Variants in PIAS2 observed in about 807,000 individuals in gnomAD.
PIAS2 encodes E3 SUMO-protein ligase PIAS2.
Under a neutral mutation model 69.7 loss-of-function variants are expected in PIAS2, and 19 were observed. That is an observed-to-expected ratio of 0.27 (90% CI 0.19 to 0.40). PIAS2 has a LOEUF of 0.40. Among genes scored for constraint, PIAS2 ranks in the 10% least tolerant of loss-of-function variants. PIAS2 has a pLI of 1.00. For missense variants in PIAS2, 624 were observed against 757.0 expected, an observed-to-expected ratio of 0.82 and a Z score of 2.06; for synonymous variants, 261 against 263.2, an observed-to-expected ratio of 0.99 and a Z score of 0.08.
chr18:46,829,752 G>A lies in PIAS2; in HGVS notation c.1318C>T (p.Pro440Ser). ...KKEAMKVSSQPCTKIESSSVL... is the reference protein window; with the variant it reads ...KKEAMKVSSQSCTKIESSSVL... ...CACATACTTTCTATTTTTGTACACGGTTGGCTGGATACTTTCATAGCTTCT... is the reference window on the plus strand; with the variant it reads ...CACATACTTTCTATTTTTGTACACGATTGGCTGGATACTTTCATAGCTTCT... The change falls in exon 10 of 14, where the codon CCG becomes TCG. Residue 440 changes from proline (P) to serine (S), a missense_variant. By Grantham distance (74) the Pro-to-Ser change is moderately conservative. Around this residue, in one of 3 missense-constraint regions of PIAS2, gnomAD observed 241 missense variants for 257.3 expected, o/e 0.94. Transcript: ENST00000585916. 2.5e-6 allele frequency: 4 copies of A among 1,613,246 alleles called. No individual in the cohort carries two copies. The highest frequency in any genetic ancestry group is 1.3e-5 in the African/African-American group (1 of 74,942).
chr18:46,835,115 G>A (rs781617913), intron 9 of PIAS2, among the ~76,000 whole-genome samples: 20 of 152,068 alleles, frequency 1.3e-4, no homozygotes, highest in Non-Finnish European at 2.4e-4. Flanking sequence ...ATGTGCAAAG[G>A]GGCATGACAT....
chr18:46,819,289 A>G (rs2041908201), intron 12 of PIAS2, among the ~76,000 whole-genome samples: 1 of 152,158 alleles, frequency 6.6e-6, no homozygotes, highest in Non-Finnish European at 1.5e-5. Flanking sequence ...CTGAATTTCC[A>G]TCTTTGTCAC....
At chr18:46,898,751 T>TG (rs1288288156) in intron 1 of PIAS2, among the ~76,000 whole-genome samples, 1 of 152,038 alleles carries the variant, frequency 6.6e-6, no homozygotes, top group Non-Finnish European at 1.5e-5. Context: ...CTCAACACTT[T>TG]GGGGGGCTGA....
chr18:46,895,073 C>T (rs867138548), intron 1 of PIAS2, among the ~76,000 whole-genome samples: 4 of 139,622 alleles, frequency 2.9e-5, no homozygotes, highest in Admixed American at 7.3e-5. Context: ...AACTCCATCT[C>T]GGAAAAAAAA....
chr18:46,890,822 T>C lies in PIAS2; in HGVS notation c.257A>G (p.Asp86Gly). The change falls in exon 2 of 14, where the codon GAT (aspartate) becomes GGT (glycine). Residue 86 changes from aspartate to glycine, a missense_variant. Physicochemically the swap from Asp to Gly is moderately conservative, Grantham distance 94. Transcript: ENST00000585916. ...AGGTTCTACAGGTGATGAGCCACCA[T>C]CCAAACTGAAAACCGATGATTTGAT... ...STIKSSVFSL[D>G]GGSSPVEPDL... 1.2e-6 allele frequency: 2 copies of C among 1,614,168 alleles called. No individual in the cohort carries two copies. Among genetic ancestry groups the C allele is most frequent in the Non-Finnish European group, 1.7e-6 (2 of 1,180,028 alleles).
intron 1 of PIAS2, among the ~76,000 whole-genome samples, chr18:46,914,658 C>G (rs956941295): frequency 2.0e-5 from 3 of 150,916 alleles, no homozygotes; most frequent in Admixed American, 1.3e-4. Flanking sequence ...TTCCCTATCT[C>G]CAGTATAGAT....
intron 1 of PIAS2, among the ~76,000 whole-genome samples, chr18:46,912,552 A>G (rs1255761136): frequency 1.3e-5 from 2 of 152,236 alleles, no homozygotes; most frequent in Non-Finnish European, 2.9e-5. Context: ...AGGTCAATAA[A>G]CAGAAATTTA....
chr18:46,807,306 G>A lies in PIAS2; in HGVS notation c.*5127C>T, dbSNP rs1159785277. The A allele has an allele frequency of 3.0e-5, 4 of 134,528 alleles. No individual in the cohort carries two copies. Among genetic ancestry groups the A allele is most frequent in the Admixed American group, 7.6e-5 (1 of 13,208 alleles). The allele number at this position is 134,528 out of a possible 1,614,324, so 8.3% of individuals were successfully genotyped here. ...ACTTTACAGTGCCAGTAAAATCATGGGAAAAGCTTGGATAGCCATACGTAG... is the reference window on the plus strand; with the variant it reads ...ACTTTACAGTGCCAGTAAAATCATGAGAAAAGCTTGGATAGCCATACGTAG... On this transcript the variant is annotated 3_prime_UTR_variant, in exon 14 of 14. Transcript: ENST00000585916.
chr18:46,911,041 G>A (rs1260594721), intron 1 of PIAS2, among the ~76,000 whole-genome samples: 5 of 152,076 alleles, frequency 3.3e-5, no homozygotes, highest in Admixed American at 3.3e-4. Flanking sequence ...ATCCCAGGAT[G>A]ACAGCTGGGT....
intron 8 of PIAS2, among the ~76,000 whole-genome samples, chr18:46,841,559 C>T (rs749938954): frequency 1.4e-4 from 22 of 152,182 alleles, no homozygotes; most frequent in Non-Finnish European, 1.2e-4. Context: ...CTAATCAAAA[C>T]ACCTGTGTCT....
intron 13 of PIAS2, among the ~76,000 whole-genome samples, chr18:46,815,023 C>T (rs1266482355): frequency 6.6e-6 from 1 of 152,140 alleles, no homozygotes. Context: ...TCTAGCCACC[C>T]AGCACTGCTT....
intron 2 of PIAS2, among the ~76,000 whole-genome samples, chr18:46,869,581 C>T (rs1188600747): frequency 1.3e-5 from 2 of 152,264 alleles, no homozygotes; most frequent in Admixed American, 6.5e-5. Context: ...GGGAAACACC[C>T]CACGTAAGAC....
chr18:46,827,460 C>G (rs1354839477), intron 11 of PIAS2: 1 of 152,272 alleles, frequency 6.6e-6, no homozygotes, highest in African/African-American at 2.4e-5. Context: ...ATGCCTGACA[C>G]CGAGGCTTTC....
intron 2 of PIAS2, among the ~76,000 whole-genome samples, chr18:46,879,016 T>C (rs1035702422): frequency 1.1e-4 from 16 of 152,238 alleles, no homozygotes; most frequent in African/African-American, 3.9e-4. Flanking sequence ...CTAGCCAATC[T>C]AACAGTAAAA....
intron 9 of PIAS2, among the ~76,000 whole-genome samples, chr18:46,832,099 A>G (rs2043705006): frequency 6.6e-6 from 1 of 152,184 alleles, no homozygotes; most frequent in African/African-American, 2.4e-5. Flanking sequence ...ACATTCAATG[A>G]CATGAAAACA....
At chr18:46,844,925 G>A (rs1035669740) in intron 6 of PIAS2, 86 bp from the exon 7 acceptor site, 8 of 521,496 alleles carry the variant, frequency 1.5e-5, no homozygotes, top group Non-Finnish European at 2.6e-5. Flanking sequence ...AGAAACTCTG[G>A]TTTCTAAAAA....
At chr18:46,858,160 A>G (rs1164714113) in intron 3 of PIAS2, among the ~76,000 whole-genome samples, 1 of 152,096 alleles carries the variant, frequency 6.6e-6, no homozygotes, top group Non-Finnish European at 1.5e-5. Context: ...AACCTAGGAA[A>G]CACAAATGGG....
In PIAS2 at chr18:46,890,996, C is replaced by T. The variant is rs2053995856; in HGVS notation, c.83G>A (p.Arg28Gln). The T allele has an allele frequency of 3.7e-6, 6 of 1,613,556 alleles. No individual in the cohort carries two copies. The highest frequency in any genetic ancestry group is 2.2e-5 in the East Asian group (1 of 44,884). The change falls in exon 2 of 14, where the codon CGG becomes CAG. Residue 28 changes from arginine (R) to glutamine (Q), a missense_variant. This residue lies in a region of PIAS2 where 339 missense variants were observed against 408.8 expected (regional missense o/e 0.83). Transcript: ENST00000585916. ...ELQVLLGFAGRNKSGRKHDLL... is the reference protein window; with the variant it reads ...ELQVLLGFAGQNKSGRKHDLL... ...GTCATGCTTGCGTCCACTTTTATTC[C>T]GTCCAGCAAAGCCTAGTAATACTTG...
chr18:46,845,069 G>A (rs559964742), intron 6 of PIAS2: 70 of 288,524 alleles, frequency 2.4e-4, no homozygotes, highest in African/African-American at 1.1e-3. Context: ...TAAAACATTC[G>A]CTGGTATGGG....
Sources: allele counts gnomAD v4.1 joint callset (sites outside exome capture counted in the v4.1 genomes callset), GRCh38; gene constraint gnomAD v4.1.1; regional missense constraint gnomAD v4.1.1; transcripts MANE v1.5; gene names NCBI Gene and HGNC (gene_info 2026-07-23, HGNC 2026-07-21).